The following RERE variants were observed in gnomAD, a reference collection of about 807,000 sequenced individuals.
RERE encodes arginine-glutamic acid dipeptide repeats.
In RERE, 40 loss-of-function variants were observed where a neutral mutation model predicts 146.1. The observed-to-expected ratio is 0.27, with a 90% CI of 0.21 to 0.36. RERE has a LOEUF of 0.36. Ranked by LOEUF, RERE falls within the 10% of genes least tolerant of loss-of-function variation. RERE has a pLI of 1.00. For synonymous variants in RERE, 1,003 were observed against 866.0 expected, an observed-to-expected ratio of 1.16 and a Z score of -2.78; for missense variants, 1,933 against 2,138.7, an observed-to-expected ratio of 0.90 and a Z score of 1.90.
chr1:8,573,159 T>C lies in RERE; in HGVS notation c.523-15636A>G, dbSNP rs572402987. 3.5e-4 allele frequency among the ~76,000 whole-genome samples: 54 copies of C among 152,264 alleles called. No individual in the cohort carries two copies. The South Asian group carries it at 0.011, about 30-fold the overall frequency. ...TTTTTAAAGTTTTATTATGAAATATTTGACAGGCAGAAAGGTATAAAAATA... is the reference window on the plus strand; with the variant it reads ...TTTTTAAAGTTTTATTATGAAATATCTGACAGGCAGAAAGGTATAAAAATA... On this transcript the variant is annotated intron_variant, in intron 4 of 22. Coordinates refer to ENST00000400908, the MANE Select transcript of RERE (RefSeq NM_001042681.2).
At chr1:8,639,919 T>C (rs898821574) in intron 2 of RERE, among the ~76,000 whole-genome samples, 2 of 152,208 alleles carry the variant, frequency 1.3e-5, no homozygotes, top group Non-Finnish European at 2.9e-5. Flanking sequence ...ATAATAATGA[T>C]AGCCTGCTTT....
chr1:8,602,390 C>CA (rs34191037), intron 4 of RERE, among the ~76,000 whole-genome samples: 114 of 138,580 alleles, frequency 8.2e-4, no homozygotes, highest in East Asian at 1.2e-3. Flanking sequence ...GACTCCATCT[C>CA]AAAAAAAAAA....
chr1:8,719,612 T>C (rs527769692), intron 1 of RERE, among the ~76,000 whole-genome samples: 6 of 152,298 alleles, frequency 3.9e-5, no homozygotes, highest in African/African-American at 1.2e-4. Context: ...TCAGCTTACA[T>C]AGATGTCTAT....
intron 1 of RERE, among the ~76,000 whole-genome samples, chr1:8,701,036 C>A (rs1446575102): frequency 1.3e-5 from 2 of 152,066 alleles, no homozygotes; most frequent in South Asian, 2.1e-4. Flanking sequence ...GAAACACAAC[C>A]AGTCAAGTCC....
chr1:8,646,602 C>T (rs1647320676), intron 2 of RERE, among the ~76,000 whole-genome samples: 1 of 151,218 alleles, frequency 6.6e-6, no homozygotes, highest in South Asian at 2.1e-4. Flanking sequence ...AAAATAAGGA[C>T]ACATGAAAAT....
At chr1:8,487,806 A>C (rs12046643) in intron 10 of RERE, among the ~76,000 whole-genome samples, 89,132 of 151,990 alleles carry the variant, frequency 0.59, 26,737 homozygotes, top group East Asian at 0.84. Context: ...CAACATATAA[A>C]AACTGATTGT....
rs533223247 is a variant in RERE at position 8,379,907 on chromosome 1, T to C, written c.1285-13933A>G. 8.5e-5 allele frequency among the ~76,000 whole-genome samples: 13 copies of C among 152,276 alleles called. 1 individual carries two copies. The South Asian group carries it at 2.7e-3, about 32-fold the overall frequency. On this transcript the variant is annotated intron_variant, in intron 12 of 22. Transcript: ENST00000400908. The stretch of plus-strand genomic sequence containing the variant: ...GCCTGCGGGGCTGGGTGGGATCACT[T>C]CACCTAATGCAGCACGTATGCCACA...
At chr1:8,801,186 G>C (rs1233915268) in intron 1 of RERE, among the ~76,000 whole-genome samples, 2 of 152,026 alleles carry the variant, frequency 1.3e-5, no homozygotes, top group Non-Finnish European at 2.9e-5. Flanking sequence ...CTTGAGCCCA[G>C]GAGGTTGAGG....
At chr1:8,372,645 C>T (rs1570076839) in intron 12 of RERE, among the ~76,000 whole-genome samples, 1 of 152,178 alleles carries the variant, frequency 6.6e-6, no homozygotes, top group East Asian at 1.9e-4. Context: ...TCCACTGTCA[C>T]AACACAGTTT....
intron 1 of RERE, among the ~76,000 whole-genome samples, chr1:8,683,227 C>T (rs1209687312): frequency 2.6e-5 from 4 of 152,092 alleles, no homozygotes; most frequent in African/African-American, 7.2e-5. Flanking sequence ...CCAAGCCATC[C>T]TCCTAGGAAT....
At chr1:8,622,655 G>A (rs192819017) in intron 3 of RERE, among the ~76,000 whole-genome samples, 1 of 152,246 alleles carries the variant, frequency 6.6e-6, no homozygotes, top group Non-Finnish European at 1.5e-5. Context: ...AACCAGGAAA[G>A]TTAAAAGCCG....
chr1:8,808,350 T>C (rs959813731), intron 1 of RERE, among the ~76,000 whole-genome samples: 1 of 152,104 alleles, frequency 6.6e-6, no homozygotes, highest in African/African-American at 2.4e-5. Flanking sequence ...TCAAACCATC[T>C]AGAGTTCACC....
intron 1 of RERE, among the ~76,000 whole-genome samples, chr1:8,714,814 CAA>C (rs1477871285): frequency 6.6e-6 from 1 of 151,978 alleles, no homozygotes; most frequent in African/African-American, 2.4e-5. Context: ...AACAAAGAAT[CAA>C]AAGAGAGACA....
At chr1:8,733,192 T>A (rs189130093) in intron 1 of RERE, among the ~76,000 whole-genome samples, 22 of 149,728 alleles carry the variant, frequency 1.5e-4, no homozygotes, top group East Asian at 3.9e-4. Flanking sequence ...AGAGAGAGAG[T>A]GAGTGTTGGG....
intron 8 of RERE, 121 bp from the exon 9 acceptor site, chr1:8,497,650 G>T: frequency 2.0e-6 from 2 of 1,016,854 alleles, no homozygotes; most frequent in Non-Finnish European, 1.5e-6. Flanking sequence ...TTGGACAGCA[G>T]AAAAATAACA....
chr1:8,670,915 A>G (rs1243244131), intron 1 of RERE, among the ~76,000 whole-genome samples: 5 of 152,206 alleles, frequency 3.3e-5, no homozygotes, highest in Non-Finnish European at 7.3e-5. Context: ...GTAGCAGTGA[A>G]GGTGTTAAGC....
Position 8,701,864 on chromosome 1 carries a change from T to C in RERE, c.-144-45423A>G, listed in dbSNP as rs551917958. Among the ~76,000 whole-genome samples the C allele has an allele frequency of 2.6e-3, 396 of 152,270 alleles. 2 individuals carry two copies. Among genetic ancestry groups the C allele is most frequent in the African/African-American group, 9.0e-3 (375 of 41,530 alleles). On this transcript the variant is annotated intron_variant, in intron 1 of 22. Transcript: ENST00000400908. ...GAAGCTGCTGTTAAGCATCTAAAAA[T>C]CTGCCTTGTGTAATTTACTAGGCAA... is the stretch of plus-strand genomic sequence containing the variant.
intron 1 of RERE, among the ~76,000 whole-genome samples, chr1:8,737,393 A>G (rs1640222230): frequency 6.6e-6 from 1 of 152,242 alleles, no homozygotes; most frequent in African/African-American, 2.4e-5. Flanking sequence ...TTTTCCCTCC[A>G]AAAGAATCAA....
intron 12 of RERE, among the ~76,000 whole-genome samples, chr1:8,374,127 C>A (rs982738862): frequency 6.6e-6 from 1 of 152,166 alleles, no homozygotes. Context: ...GGCCGAAGGG[C>A]TCTGATCTAA....
Sources: gnomAD v4.1 joint callset for allele counts (sites outside exome capture counted in the v4.1 genomes callset) on GRCh38, gnomAD v4.1.1 for gene constraint, MANE v1.5 for transcripts, NCBI Gene and HGNC (gene_info 2026-07-23, HGNC 2026-07-21) for gene names.